The following AGBL1 variants were observed in gnomAD, a reference collection of about 807,000 sequenced individuals.
AGBL1 encodes the protein cytosolic carboxypeptidase 4.
A neutral mutation model predicts 118.9 loss-of-function variants in AGBL1; 130 were observed. The ratio of observed to expected loss-of-function variants is 1.09; its 90% CI spans 0.95 to 1.26. AGBL1 has a LOEUF of 1.26. Ranked by LOEUF, AGBL1 falls within the 50% of genes most tolerant of loss-of-function variation. The pLI is 0.00. For missense variants in AGBL1, 1,584 were observed against 1,298.1 expected (o/e 1.22, Z -3.38); for synonymous variants, 555 against 478.9 (o/e 1.16, Z -2.08).
intron 6 of AGBL1, among the ~76,000 whole-genome samples, chr15:86,238,878 C>T (rs990671525): frequency 1.3e-5 from 2 of 152,068 alleles, no homozygotes; most frequent in African/African-American, 4.8e-5. Context: ...TGGTCTTGAA[C>T]TCCTGGCTCA....
rs1043560655 is a variant in AGBL1 at position 86,486,858 on chromosome 15, G to A, written c.2556-35952G>A. On this transcript the variant is annotated intron_variant, in intron 18 of 22. Transcript: ENST00000614907. ...TACTCCTGCCTATGCACTTTTATTC[G>A]ACTTGGACCTCTGTACATGGATTCC... Among the ~76,000 whole-genome samples, 6 of 151,842 alleles carry A rather than the reference G, an allele frequency of 4.0e-5. No homozygotes were observed. The East Asian group carries it at 5.9e-4, about 15-fold the overall frequency.
At chr15:86,225,833 C>T (rs887514036) in intron 6 of AGBL1, among the ~76,000 whole-genome samples, 1 of 152,116 alleles carries the variant, frequency 6.6e-6, no homozygotes, top group African/African-American at 2.4e-5. Context: ...AAAATAAAAA[C>T]ACTCTCTCCC....
intron 22 of AGBL1, among the ~76,000 whole-genome samples, chr15:86,677,661 G>A (rs1227343533): frequency 6.6e-6 from 1 of 152,172 alleles, no homozygotes; most frequent in Non-Finnish European, 1.5e-5. Flanking sequence ...CTTCAGAGCT[G>A]TGCCTCAGCA....
At chr15:86,476,690 A>G (rs1349698339) in intron 18 of AGBL1, among the ~76,000 whole-genome samples, 1 of 152,186 alleles carries the variant, frequency 6.6e-6, no homozygotes, top group Non-Finnish European at 1.5e-5. Context: ...AAAGTTAACA[A>G]GGATATCCAG....
intron 16 of AGBL1, among the ~76,000 whole-genome samples, chr15:86,293,908 CTT>C (rs2079589806): frequency 6.6e-6 from 1 of 151,964 alleles, no homozygotes; most frequent in East Asian, 1.9e-4. Flanking sequence ...GTGGAAAAAA[CTT>C]TCTACATTTT....
At chr15:86,565,438 G>A (rs1483347321) in intron 21 of AGBL1, among the ~76,000 whole-genome samples, 1 of 152,268 alleles carries the variant, frequency 6.6e-6, no homozygotes, top group African/African-American at 2.4e-5. Context: ...AGGGGCTGCA[G>A]AGCAGCGAAT....
In AGBL1 at chr15:86,264,812, GT is replaced by G; in HGVS notation, c.1643del (p.Leu548TrpfsTer26). 1 of 1,609,592 alleles carries G rather than the reference GT, an allele frequency of 6.2e-7. No homozygotes were observed. Among genetic ancestry groups the G allele is most frequent in the Non-Finnish European group, 8.5e-7 (1 of 1,178,398 alleles). On this transcript the variant is annotated frameshift_variant, in exon 11 of 23. Transcript: ENST00000614907. LOFTEE classifies it high-confidence loss of function. ...HCPPPTTQPM[L>X]ERKCGVQRIR... ...GTCCCCCTCCCACCACCCAGCCTAT[GT>G]TGGAACGAAAATGTGGAGTCCAAAG... is the stretch of plus-strand genomic sequence containing the variant.
chr15:86,586,325 A>G (rs1444873038), intron 21 of AGBL1, among the ~76,000 whole-genome samples: 1 of 152,134 alleles, frequency 6.6e-6, no homozygotes, highest in Non-Finnish European at 1.5e-5. Context: ...ACCTGCTTGG[A>G]GTGGCTTTTA....
At chr15:86,184,839 G>C (rs996250943) in intron 5 of AGBL1, among the ~76,000 whole-genome samples, 1 of 152,072 alleles carries the variant, frequency 6.6e-6, no homozygotes, top group Admixed American at 6.6e-5. Context: ...ACAATCCTAA[G>C]CCAAAAGAAC....
chr15:86,670,620 C>CAA (rs1229166766), intron 21 of AGBL1, among the ~76,000 whole-genome samples: 1 of 106,078 alleles, frequency 9.4e-6, no homozygotes, highest in East Asian at 3.3e-4. Context: ...CACACACACA[C>CAA]ACACACAAAC....
chr15:86,542,776 G>A (rs530198686), intron 19 of AGBL1, among the ~76,000 whole-genome samples: 12 of 152,100 alleles, frequency 7.9e-5, no homozygotes, highest in East Asian at 5.8e-4. Flanking sequence ...ATCGTATCTC[G>A]CTTTATCCCA....
At position 86,279,689 on chromosome 15, in the gene AGBL1, G is replaced by A; in HGVS notation, c.2126G>A (p.Cys709Tyr). Residue 709 changes from cysteine to tyrosine, a missense_variant, in exon 16 of 23, where the codon TGC (cysteine) becomes TAC (tyrosine). By Grantham distance (194) the Cys-to-Tyr change is radical. Coordinates refer to ENST00000614907, the MANE Select transcript of AGBL1 (RefSeq NM_001386094.1). ...GTTGCAGGCGGAGCATCTGGGAAGTGCTACTATACCCTCACCTTTGCTGTC... is the reference window on the plus strand; with the variant it reads ...GTTGCAGGCGGAGCATCTGGGAAGTACTACTATACCCTCACCTTTGCTGTC... ...TAVAGGASGKCYYTLTFAVTF... is the reference protein window; with the variant it reads ...TAVAGGASGKYYYTLTFAVTF... 1 of 1,613,494 alleles carries A rather than the reference G, an allele frequency of 6.2e-7. No individual in the cohort carries two copies. The highest frequency in any genetic ancestry group is 8.5e-7 in the Non-Finnish European group (1 of 1,179,506).
chr15:86,603,989 C>A (rs1297561124), intron 21 of AGBL1, among the ~76,000 whole-genome samples: 1 of 152,120 alleles, frequency 6.6e-6, no homozygotes, highest in Non-Finnish European at 1.5e-5. Context: ...ATTGAGCCAT[C>A]CCCAAATATT....
At chr15:86,190,575 C>G (rs1443020669) in intron 5 of AGBL1, among the ~76,000 whole-genome samples, 1 of 152,038 alleles carries the variant, frequency 6.6e-6, no homozygotes, top group Admixed American at 6.6e-5. Context: ...GCATCATAAC[C>G]AGCTCCAGGC....
chr15:86,899,679 C>T (rs2080184276), intron 22 of AGBL1, among the ~76,000 whole-genome samples: 1 of 152,128 alleles, frequency 6.6e-6, no homozygotes, highest in South Asian at 2.1e-4. Flanking sequence ...GACAATTCAT[C>T]TGAATTAGTT....
intron 16 of AGBL1, among the ~76,000 whole-genome samples, chr15:86,294,861 C>T (rs11855402): frequency 0.032 from 4,938 of 152,190 alleles, 270 homozygotes; most frequent in African/African-American, 0.11. Flanking sequence ...ACCCAAATGA[C>T]GTACATTGTA....
At chr15:86,747,302 T>TCC (rs1425774247) in intron 22 of AGBL1, among the ~76,000 whole-genome samples, 1 of 152,112 alleles carries the variant, frequency 6.6e-6, no homozygotes, top group Admixed American at 6.6e-5. Context: ...CTCCATTGTC[T>TCC]AGATGGTTGC....
chr15:86,106,489 T>C (rs1354197092), intron 1 of AGBL1, among the ~76,000 whole-genome samples: 3 of 152,220 alleles, frequency 2.0e-5, no homozygotes, highest in South Asian at 4.1e-4. Flanking sequence ...TCCAGGGCAA[T>C]TTTGCCCCCA....
intron 21 of AGBL1, among the ~76,000 whole-genome samples, chr15:86,654,219 G>T (rs1217804349): frequency 4.6e-5 from 7 of 152,082 alleles, no homozygotes; most frequent in Non-Finnish European, 1.5e-5. Context: ...TGGTCATCTG[G>T]ATCACATTCC....
Sources: gnomAD v4.1 joint callset for allele counts (sites outside exome capture counted in the v4.1 genomes callset) on GRCh38, gnomAD v4.1.1 for gene constraint, MANE v1.5 for transcripts, NCBI Gene and HGNC (gene_info 2026-07-23, HGNC 2026-07-21) for gene names.